The following AMZ1 variants were observed in gnomAD, a reference collection of about 807,000 sequenced individuals.
AMZ1 encodes archaemetzincin-1.
In AMZ1, 39 loss-of-function variants were observed where a neutral mutation model predicts 29.9. The observed-to-expected ratio is 1.30, with a 90% CI of 1.01 to 1.70. The LOEUF (loss-of-function observed/expected upper bound fraction) is 1.70, where lower values mean the gene tolerates loss of function less well. Ranked by LOEUF, AMZ1 falls within the 40% of genes most tolerant of loss-of-function variation. The pLI is 0.00. For missense variants in AMZ1, 1,041 were observed against 680.6 expected (o/e 1.53, Z -5.89); for synonymous variants, 458 against 304.0 (o/e 1.51, Z -5.27).
exon 1 of AMZ1, chr7:2,679,648 T>C (rs1322885141): frequency 1.2e-4 from 19 of 152,322 alleles, no homozygotes; most frequent in Non-Finnish European, 2.3e-4. Context: ...CCTGCACTCC[T>C]GGGCGAAGGC....
intron 1 of AMZ1, among the ~76,000 whole-genome samples, chr7:2,693,174 T>A (rs2115061190): frequency 6.6e-6 from 1 of 152,308 alleles, no homozygotes; most frequent in Non-Finnish European, 1.5e-5. Flanking sequence ...CGATTTCGGC[T>A]CACCGCAACC....
In AMZ1 at chr7:2,712,756, G is replaced by A. The variant is rs766683770; in HGVS notation, c.1375G>A (p.Asp459Asn). The part of the protein sequence containing the change: ...ATRQDPPSSR[D>N]SVGLRKVLGD... ...CAGGCAGGACCCACCCAGCAGCAGG[G>A]ACAGCGTGGGGCTGCGCAAGGTGCT... is the stretch of plus-strand genomic sequence containing the variant. Residue 459 changes from aspartate (D) to asparagine (N), a missense_variant, in exon 7 of 7, where the codon GAC becomes AAC. By Grantham distance (23) the Asp-to-Asn change is conservative. Transcript: ENST00000683327. The A allele has an allele frequency of 6.2e-7, 1 of 1,601,948 alleles. No individual in the cohort carries two copies. The highest frequency in any genetic ancestry group is 8.5e-7 in the Non-Finnish European group (1 of 1,173,218).
intron 1 of AMZ1, among the ~76,000 whole-genome samples, chr7:2,693,270 G>A (rs1170627003): frequency 6.6e-6 from 1 of 151,652 alleles, no homozygotes; most frequent in Non-Finnish European, 1.5e-5. Flanking sequence ...GTATTTTTAG[G>A]AGAGATGGGG....
At position 2,713,271 on chromosome 7, in the gene AMZ1, A is replaced by C. The variant is rs1788917249; in HGVS notation, c.*393A>C. 6.4e-6 allele frequency: 1 copy of C among 156,692 alleles called. No individual in the cohort carries two copies. The highest frequency in any genetic ancestry group is 2.1e-4 in the South Asian group (1 of 4,878). The allele number at this position is 156,692 out of a possible 1,614,324, so 9.7% of individuals were successfully genotyped here. On this transcript the variant is annotated 3_prime_UTR_variant, in exon 7 of 7. Coordinates refer to ENST00000683327, the MANE Select transcript of AMZ1 (RefSeq NM_001384743.1). ...AAAAAAAGTTCTTTGGAGAAGCCAC[A>C]GACCACCTGTCTTCAGGCGCCTCCT...
upstream of AMZ1, among the ~76,000 whole-genome samples, chr7:2,763,817 G>C (rs920763242): frequency 1.3e-5 from 2 of 152,320 alleles, no homozygotes; most frequent in African/African-American, 2.4e-5. Context: ...GCGAGGCCGG[G>C]ACCTCTGCAC....
At chr7:2,707,425 G>A (rs1444250871) in intron 3 of AMZ1, among the ~76,000 whole-genome samples, 2 of 152,050 alleles carry the variant, frequency 1.3e-5, no homozygotes, top group African/African-American at 4.8e-5. Context: ...GACCCTCTCC[G>A]GGTTTCCTGG....
intron 1 of AMZ1, among the ~76,000 whole-genome samples, chr7:2,698,228 A>G (rs1787851585): frequency 1.3e-5 from 2 of 152,154 alleles, no homozygotes; most frequent in Non-Finnish European, 2.9e-5. Context: ...TGTTAAAAAA[A>G]ACAAAACAAA....
At chr7:2,729,707 G>C (rs60930161) in intron 4 of AMZ1, 1 of 152,538 alleles carries the variant, frequency 6.6e-6, no homozygotes, top group East Asian at 1.9e-4. Flanking sequence ...ATGTGACTGA[G>C]CCACAGCAAC....
intron 4 of AMZ1, among the ~76,000 whole-genome samples, chr7:2,734,463 C>T (rs1790056934): frequency 6.6e-6 from 1 of 152,168 alleles, no homozygotes; most frequent in African/African-American, 2.4e-5. Context: ...TGGAAATGTA[C>T]AGGGGCAAGG....
intron 4 of AMZ1, among the ~76,000 whole-genome samples, chr7:2,742,061 G>T (rs1422502304): frequency 1.3e-5 from 2 of 151,502 alleles, no homozygotes; most frequent in East Asian, 3.9e-4. Context: ...TCACCCTGTT[G>T]CCCAGGCTAG....
rs181436156 is a variant in AMZ1 at position 2,718,469 on chromosome 7, G to A, written c.*5591G>A. Among the ~76,000 whole-genome samples, 36 of 152,328 alleles carry A rather than the reference G, an allele frequency of 2.4e-4. No homozygotes were observed. Among genetic ancestry groups the A allele is most frequent in the Non-Finnish European group, 4.3e-4 (29 of 68,044 alleles). ...TCCTTCAGTGGTCTGTGACCAGCGGGAATGAATGGGGACGTGTTTTGTTCA... is the reference window on the plus strand; with the variant it reads ...TCCTTCAGTGGTCTGTGACCAGCGGAAATGAATGGGGACGTGTTTTGTTCA... On this transcript the variant is annotated 3_prime_UTR_variant, in exon 7 of 7. Transcript: ENST00000683327.
At chr7:2,738,710 TA>T (rs985766142) in intron 4 of AMZ1, among the ~76,000 whole-genome samples, 1 of 151,446 alleles carries the variant, frequency 6.6e-6, no homozygotes, top group Non-Finnish European at 1.5e-5. Context: ...CTTCCATAAT[TA>T]AAAAAAAATT....
At chr7:2,750,441 G>A (rs1390094036) in intron 4 of AMZ1, among the ~76,000 whole-genome samples, 2 of 152,246 alleles carry the variant, frequency 1.3e-5, no homozygotes, top group African/African-American at 4.8e-5. Flanking sequence ...GACCTCAGTG[G>A]ATGCCTGAAG....
rs1020268639 is a variant in AMZ1 at position 2,716,395 on chromosome 7, G to A, written c.*3517G>A. On this transcript the variant is annotated 3_prime_UTR_variant, in exon 7 of 7. Coordinates refer to ENST00000683327, the MANE Select transcript of AMZ1 (RefSeq NM_001384743.1). ...GTGAACCCTGAGGGCACGGGACAGTGAGTGGAGCTCTGCCACCACCCGTTT... is the reference window on the plus strand; with the variant it reads ...GTGAACCCTGAGGGCACGGGACAGTAAGTGGAGCTCTGCCACCACCCGTTT... The A allele has an allele frequency of 1.3e-5, 2 of 152,270 alleles. No homozygotes were observed. The highest frequency in any genetic ancestry group is 2.9e-5 in the Non-Finnish European group (2 of 68,070). 9.4% of individuals were successfully genotyped at this position (152,270 alleles called of 1,614,324 possible).
At chr7:2,735,793 G>A (rs559875344) in intron 4 of AMZ1, among the ~76,000 whole-genome samples, 7 of 152,188 alleles carry the variant, frequency 4.6e-5, no homozygotes, top group African/African-American at 1.7e-4. Flanking sequence ...TGTCAGGGCG[G>A]CCTCATCTCG....
At position 2,715,504 on chromosome 7, in the gene AMZ1, A is replaced by G. The variant is rs1230554369; in HGVS notation, c.*2626A>G. 1.3e-5 allele frequency: 2 copies of G among 152,166 alleles called. No individual in the cohort carries two copies. The highest frequency in any genetic ancestry group is 3.8e-4 in the East Asian group (2 of 5,212). The allele number at this position is 152,166 out of a possible 1,614,324, so 9.4% of individuals were successfully genotyped here. A position where few individuals can be genotyped will look rare whatever the true frequency, so the allele number is the denominator to read the frequency against. ...TGACCAAAGCCTCGGCGCTCTCTGT[A>G]CCCGTGTCCTTTGACCCTCAGCTGT... is the stretch of plus-strand genomic sequence containing the variant. On this transcript the variant is annotated 3_prime_UTR_variant, in exon 7 of 7. Transcript: ENST00000683327.
At chr7:2,726,227 G>GA (rs1343309933) in intron 4 of AMZ1, among the ~76,000 whole-genome samples, 5 of 152,210 alleles carry the variant, frequency 3.3e-5, no homozygotes, top group African/African-American at 1.2e-4. Context: ...AATCACCAAA[G>GA]AAAACCCACC....
intron 4 of AMZ1, among the ~76,000 whole-genome samples, chr7:2,733,754 G>A (rs1046729729): frequency 6.6e-6 from 1 of 152,260 alleles, no homozygotes; most frequent in Non-Finnish European, 1.5e-5. Flanking sequence ...TCGCTGCTGG[G>A]TTTTGGTGTG....
chr7:2,691,684 T>C (rs1583142910), intron 1 of AMZ1, among the ~76,000 whole-genome samples: 1 of 133,096 alleles, frequency 7.5e-6, no homozygotes, highest in East Asian at 2.2e-4. Context: ...TGAGCCGAGA[T>C]TGCGCCACTG....
Sources: allele counts gnomAD v4.1 joint callset (sites outside exome capture counted in the v4.1 genomes callset), GRCh38; gene constraint gnomAD v4.1.1; transcripts MANE v1.5; gene names NCBI Gene and HGNC (gene_info 2026-07-23, HGNC 2026-07-21).